Variants in ACTN1 observed in about 807,000 individuals in gnomAD.
ACTN1 encodes actinin alpha 1.
ACTN1 carries 30 observed loss-of-function variants against 119.6 expected under a neutral mutation model. The ratio of observed to expected loss-of-function variants is 0.25; its 90% CI spans 0.19 to 0.34. The LOEUF is 0.34. ACTN1 is among the 10% of genes least tolerant of loss of function. The pLI, the probability that ACTN1 is intolerant of heterozygous loss-of-function variation, is 1.00. For missense variants in ACTN1, 764 were observed against 1,223.4 expected (o/e 0.62, Z 5.60); for synonymous variants, 429 against 472.6 (o/e 0.91, Z 1.20).
At chr14:68,891,942 A>C in intron 10 of ACTN1, 111 bp downstream of exon 10, 1 of 1,341,372 alleles carries the variant, frequency 7.5e-7, no homozygotes, top group South Asian at 1.4e-5. Flanking sequence ...TGTAGGTAGA[A>C]GCAAACACGC....
intron 11 of ACTN1, among the ~76,000 whole-genome samples, chr14:68,889,473 A>G (rs2140140844): frequency 6.6e-6 from 1 of 152,374 alleles, no homozygotes; most frequent in African/African-American, 2.4e-5. Context: ...ATTTGGAAAC[A>G]GGCTCTTTGC....
intron 1 of ACTN1, chr14:68,977,330 G>A (rs545038399): frequency 3.5e-4 from 54 of 152,468 alleles, no homozygotes; most frequent in African/African-American, 1.2e-3. Flanking sequence ...CAGGAAATAA[G>A]CCAAGTGAGT....
intron 1 of ACTN1, among the ~76,000 whole-genome samples, chr14:68,943,696 G>A (rs2035839452): frequency 6.6e-6 from 1 of 152,180 alleles, no homozygotes. Context: ...ATAACCCTCA[G>A]TGAGTGCTCA....
Position 68,885,283 on chromosome 14 carries a change from T to G in ACTN1, c.1385+142A>C. ...CCCACCAGGAGAGATATTTGTCTCC[T>G]GCGTTGACTCCCTCCCCACCTGGGC... On this transcript the variant is annotated intron_variant, in intron 12 of 21. Coordinates refer to ENST00000394419, the MANE Select transcript of ACTN1 (RefSeq NM_001130004.2). The surrounding 1 kb of genome is among the most constrained non-coding windows in gnomAD (Gnocchi z 5.6). 1 of 1,112,528 alleles carries G rather than the reference T, an allele frequency of 9.0e-7. No individual in the cohort carries two copies. The highest frequency in any genetic ancestry group is 1.2e-6 in the Non-Finnish European group (1 of 805,822). The allele number at this position is 1,112,528 out of a possible 1,614,324, so 68.9% of individuals were successfully genotyped here. A position where few individuals can be genotyped will look rare whatever the true frequency, so the allele number is the denominator to read the frequency against.
At chr14:68,977,659 G>GAA (rs1000646300) in intron 1 of ACTN1, 70 of 269,320 alleles carry the variant, frequency 2.6e-4, no homozygotes, top group East Asian at 9.3e-4. Flanking sequence ...GCCTTTGGCT[G>GAA]AAAAAAAAAA....
At chr14:68,906,100 G>A (rs1451058090) in intron 6 of ACTN1, among the ~76,000 whole-genome samples, 2 of 152,044 alleles carry the variant, frequency 1.3e-5, no homozygotes, top group Non-Finnish European at 2.9e-5. Flanking sequence ...GGGAACTACC[G>A]TTTAATGGGT....
intron 1 of ACTN1, among the ~76,000 whole-genome samples, chr14:68,976,912 C>T (rs557665952): frequency 1.3e-5 from 2 of 152,354 alleles, no homozygotes; most frequent in South Asian, 2.1e-4. Flanking sequence ...GCCTGGGGCA[C>T]ACCCACTGCC....
At chr14:68,957,875 CGGCA>C (rs1311578786) in intron 1 of ACTN1, among the ~76,000 whole-genome samples, 1 of 152,158 alleles carries the variant, frequency 6.6e-6, no homozygotes, top group East Asian at 1.9e-4. Flanking sequence ...AAGTGAGAGA[CGGCA>C]GGTTTAGGTT....
chr14:68,920,951 A>G, intron 3 of ACTN1, 55 bp downstream of exon 3: 1 of 1,603,382 alleles, frequency 6.2e-7, no homozygotes, highest in African/African-American at 1.3e-5. Flanking sequence ...AGGCCAAGAG[A>G]ACCAGGGGGA....
intron 1 of ACTN1, among the ~76,000 whole-genome samples, chr14:68,947,158 T>C (rs1193688773): frequency 6.6e-6 from 1 of 152,242 alleles, no homozygotes; most frequent in Non-Finnish European, 1.5e-5. Context: ...TCAGGAGTTC[T>C]GGGATGGGAC....
At chr14:68,930,101 T>C in intron 1 of ACTN1, among the ~76,000 whole-genome samples, 1 of 152,218 alleles carries the variant, frequency 6.6e-6, no homozygotes, top group Non-Finnish European at 1.5e-5. Context: ...TTAAAATGTG[T>C]TGGAAAGGAA....
Position 68,978,958 on chromosome 14 carries a change from C to T in ACTN1, c.99G>A (p.Gln33=), listed in dbSNP as rs776507060. 5 of 1,595,440 alleles carry T rather than the reference C, an allele frequency of 3.1e-6. No individual in the cohort carries two copies. The highest frequency in any genetic ancestry group is 3.4e-6 in the Non-Finnish European group (4 of 1,170,072). ...LLLDPAWEKQ[Q]RKTFTAWCNS... ...GGCGGGGGCGGCTGCTAACCTTTCT[C>T]TGCTGCTTCTCCCAGGCCGGGTCCA... is the stretch of plus-strand genomic sequence containing the variant. The change falls in exon 1 of 22, where the codon CAG becomes CAA. Residue 33 remains glutamine (Q), a synonymous_variant. Coordinates refer to ENST00000394419, the MANE Select transcript of ACTN1 (RefSeq NM_001130004.2).
Position 68,878,660 on chromosome 14 carries a change from A to G in ACTN1, c.2362-137T>C. The G allele has an allele frequency of 6.5e-7, 1 of 1,546,466 alleles. No individual in the cohort carries two copies. The highest frequency in any genetic ancestry group is 1.2e-5 in the South Asian group (1 of 84,344). On this transcript the variant is annotated intron_variant, in intron 19 of 21. Coordinates refer to ENST00000394419, the MANE Select transcript of ACTN1 (RefSeq NM_001130004.2). The surrounding 1 kb of genome is among the most constrained non-coding windows in gnomAD (Gnocchi z 4.4). ...TATGGTTTTGGGGGTCAGGATAGGT[A>G]AAGGAACATAGGAGAAGATGCGAAC...
chr14:68,900,725 G>C (rs1023071311), intron 8 of ACTN1: 1 of 152,276 alleles, frequency 6.6e-6, no homozygotes, highest in Non-Finnish European at 1.5e-5. Flanking sequence ...CCAAAGTTCA[G>C]AGTCCTGTTC....
chr14:68,928,097 G>T (rs1225511841), intron 1 of ACTN1, among the ~76,000 whole-genome samples: 2 of 152,200 alleles, frequency 1.3e-5, no homozygotes, highest in Admixed American at 6.5e-5. Flanking sequence ...GGTCCTAGCA[G>T]GCACTGCCCT....
At chr14:68,968,712 G>A (rs1045729843) in intron 1 of ACTN1, among the ~76,000 whole-genome samples, 1 of 152,216 alleles carries the variant, frequency 6.6e-6, no homozygotes, top group African/African-American at 2.4e-5. Context: ...AGAAATACTT[G>A]CTGTAACCAC....
At chr14:68,908,557 T>C (rs17106519) in intron 6 of ACTN1, among the ~76,000 whole-genome samples, 3,007 of 152,268 alleles carry the variant, frequency 0.02, 103 homozygotes, top group African/African-American at 0.068. Flanking sequence ...GGGAAGGGTC[T>C]TTCCTTGGAT....
chr14:68,978,729 G>A, intron 1 of ACTN1: 1 of 362,346 alleles, frequency 2.8e-6, no homozygotes, highest in Non-Finnish European at 4.9e-6. Flanking sequence ...CCACCTCCCC[G>A]CGCTCCGGCC....
chr14:68,892,901 A>G (rs946765103), intron 9 of ACTN1, among the ~76,000 whole-genome samples: 2 of 152,168 alleles, frequency 1.3e-5, no homozygotes, highest in African/African-American at 2.4e-5. Context: ...CATCACACAC[A>G]TGGACTCATC....
Sources: allele counts gnomAD v4.1 joint callset (sites outside exome capture counted in the v4.1 genomes callset), GRCh38; gene constraint gnomAD v4.1.1; non-coding constraint Gnocchi (gnomAD v3.1); transcripts MANE v1.5; gene names NCBI Gene and HGNC (gene_info 2026-07-23, HGNC 2026-07-21).